Variants in MSRA observed in about 807,000 individuals in gnomAD.
The protein encoded by MSRA is methionine sulfoxide reductase A.
MSRA carries 54 observed loss-of-function variants against 31.3 expected under a neutral mutation model. The observed-to-expected ratio is 1.73, with a 90% CI of 1.39 to 2.17. The LOEUF is 2.17. Among genes scored for constraint, MSRA ranks in the 30% most tolerant of loss-of-function variants. MSRA has a pLI of 0.00. For synonymous variants in MSRA, 169 were observed against 116.5 expected (o/e 1.45, Z -2.90); for missense variants, 507 against 300.9 (o/e 1.69, Z -5.07).
At chr8:10,250,867 C>G in intron 3 of MSRA, 1 of 172,680 alleles carries the variant, frequency 5.8e-6, no homozygotes, top group Non-Finnish European at 1.2e-5. Context: ...ACATTGTGCA[C>G]ATATACCCTA....
intron 5 of MSRA, among the ~76,000 whole-genome samples, chr8:10,391,836 G>A (rs7818294): frequency 0.09 from 13,650 of 152,230 alleles, 1,450 homozygotes; most frequent in African/African-American, 0.26. Context: ...GCAGACGGTG[G>A]TGTCTTTTAA....
At chr8:10,229,231 A>T (rs1442115096) in intron 2 of MSRA, among the ~76,000 whole-genome samples, 1 of 110,058 alleles carries the variant, frequency 9.1e-6, no homozygotes, top group African/African-American at 2.5e-5. Context: ...CTGGCTGGTG[A>T]TACTGAGCAG....
At chr8:10,084,366 G>A (rs550657981) in intron 1 of MSRA, among the ~76,000 whole-genome samples, 16 of 152,344 alleles carry the variant, frequency 1.1e-4, no homozygotes, top group African/African-American at 3.8e-4. Flanking sequence ...ACCCCTGCCC[G>A]GCTCCACTGA....
Position 10,072,305 on chromosome 8 carries a change from ATT to A in MSRA, c.142+17661_142+17662del, listed in dbSNP as rs34457495. Among the ~76,000 whole-genome samples the A allele has an allele frequency of 5.0e-3, 726 of 144,968 alleles. 2 individuals carry two copies. Among genetic ancestry groups the A allele is most frequent in the African/African-American group, 6.9e-3 (274 of 39,674 alleles). On this transcript the variant is annotated intron_variant, in intron 1 of 5. Transcript: ENST00000317173. ...TGCACACAAGACTCCCTTTCGCAAC[ATT>A]TTTTTTTTTTTTTGTCTATGGATGA...
At chr8:10,352,900 T>C (rs867728551) in intron 5 of MSRA, among the ~76,000 whole-genome samples, 12 of 152,264 alleles carry the variant, frequency 7.9e-5, no homozygotes, top group African/African-American at 2.9e-4. Flanking sequence ...TTGCAACATA[T>C]CAGAGCATCC....
At chr8:10,203,880 T>C (rs1284320982) in intron 1 of MSRA, among the ~76,000 whole-genome samples, 1 of 152,168 alleles carries the variant, frequency 6.6e-6, no homozygotes, top group African/African-American at 2.4e-5. Context: ...TGGAAGACAG[T>C]GATATTAATG....
chr8:10,212,163 G>C (rs564008949), intron 2 of MSRA, among the ~76,000 whole-genome samples: 1 of 151,778 alleles, frequency 6.6e-6, no homozygotes, highest in South Asian at 2.1e-4. Flanking sequence ...CTCCAGCCTA[G>C]GTAACAGAGC....
At chr8:10,316,975 C>A (rs1487918936) in intron 4 of MSRA, among the ~76,000 whole-genome samples, 1 of 152,164 alleles carries the variant, frequency 6.6e-6, no homozygotes, top group Non-Finnish European at 1.5e-5. Context: ...TCTTCCTGTG[C>A]CACTGCAGCA....
chr8:10,269,246 C>G (rs1798904097), intron 3 of MSRA, among the ~76,000 whole-genome samples: 1 of 152,228 alleles, frequency 6.6e-6, no homozygotes, highest in Admixed American at 6.5e-5. Context: ...GTGAGCCATT[C>G]TCAGTTTTCT....
chr8:10,244,983 G>T, intron 2 of MSRA, 121 bp from the exon 3 acceptor site: 1 of 689,666 alleles, frequency 1.4e-6, no homozygotes, highest in Non-Finnish European at 2.2e-6. Context: ...AGTCATTTTT[G>T]GTTATCAAAT....
At chr8:10,419,717 G>C (rs888956251) in intron 5 of MSRA, among the ~76,000 whole-genome samples, 1 of 152,188 alleles carries the variant, frequency 6.6e-6, no homozygotes, top group Non-Finnish European at 1.5e-5. Context: ...AGTTGGTGGC[G>C]CTTGGTGTTT....
chr8:10,417,347 C>G (rs1418446936), intron 5 of MSRA, among the ~76,000 whole-genome samples: 3 of 151,912 alleles, frequency 2.0e-5, no homozygotes, highest in Admixed American at 6.6e-5. Flanking sequence ...TCCATTGTCC[C>G]AGAGCCTGGA....
At chr8:10,423,065 A>C (rs1585748095) in intron 5 of MSRA, among the ~76,000 whole-genome samples, 1 of 152,118 alleles carries the variant, frequency 6.6e-6, no homozygotes, top group Admixed American at 6.5e-5. Context: ...AAGGCGCCTA[A>C]AGATTCAGTA....
At chr8:10,290,010 A>G (rs1168873259) in intron 3 of MSRA, among the ~76,000 whole-genome samples, 1 of 152,210 alleles carries the variant, frequency 6.6e-6, no homozygotes, top group East Asian at 1.9e-4. Flanking sequence ...ATCTTCTAAG[A>G]TTGATAGGAC....
In MSRA at chr8:10,376,268, G is replaced by A. The variant is rs538412156; in HGVS notation, c.544-51880G>A. 8.9e-4 allele frequency among the ~76,000 whole-genome samples: 135 copies of A among 152,268 alleles called. 1 individual carries two copies. The highest frequency in any genetic ancestry group is 1.3e-3 in the Non-Finnish European group (87 of 68,022). The stretch of plus-strand genomic sequence containing the variant: ...TTGATACTTCTGACAAGTTTCTTGA[G>A]GCTTCTCCTATCCCTGGCTTCTACA... On this transcript the variant is annotated intron_variant, in intron 5 of 5. Coordinates refer to ENST00000317173, the MANE Select transcript of MSRA (RefSeq NM_012331.5).
intron 5 of MSRA, among the ~76,000 whole-genome samples, chr8:10,396,397 A>G (rs955557526): frequency 3.9e-5 from 6 of 152,208 alleles, no homozygotes; most frequent in African/African-American, 7.2e-5. Flanking sequence ...CTTCGGTATG[A>G]TAAAAGTCTA....
chr8:10,092,690 G>A (rs1798917751), intron 1 of MSRA, among the ~76,000 whole-genome samples: 1 of 151,888 alleles, frequency 6.6e-6, no homozygotes, highest in Non-Finnish European at 1.5e-5. Flanking sequence ...TTTGGTAGAT[G>A]TCTGTTGGTA....
At chr8:10,183,156 G>A (rs1004606174) in intron 1 of MSRA, among the ~76,000 whole-genome samples, 1 of 152,106 alleles carries the variant, frequency 6.6e-6, no homozygotes, top group South Asian at 2.1e-4. Context: ...CTTAGCTCTT[G>A]AGGACTATTT....
intron 1 of MSRA, among the ~76,000 whole-genome samples, chr8:10,183,746 G>A (rs146455923): frequency 1.3e-5 from 2 of 150,800 alleles, no homozygotes; most frequent in Admixed American, 6.6e-5. Context: ...AAAGAGGACG[G>A]TGTGGCATCA....
Sources: gnomAD v4.1 joint callset for allele counts (sites outside exome capture counted in the v4.1 genomes callset) on GRCh38, gnomAD v4.1.1 for gene constraint, MANE v1.5 for transcripts, NCBI Gene and HGNC (gene_info 2026-07-23, HGNC 2026-07-21) for gene names.